The following MACF1 variants were observed in gnomAD, a reference collection of about 807,000 sequenced individuals.
MACF1 encodes the protein microtubule actin crosslinking factor 1.
Under a neutral mutation model 854.8 loss-of-function variants are expected in MACF1, and 193 were observed. That is an observed-to-expected ratio of 0.23 (90% CI 0.20 to 0.25). The LOEUF (loss-of-function observed/expected upper bound fraction) is 0.25. Among genes scored for constraint, MACF1 ranks in the 10% least tolerant of loss-of-function variants. The probability of loss-of-function intolerance (pLI) is 1.00; values close to 1 mark genes in which losing one functional copy is unlikely to be tolerated. For synonymous variants in MACF1, 3,185 were observed against 3,226.7 expected (o/e 0.99, Z 0.44); for missense variants, 7,722 against 8,929.1 (o/e 0.86, Z 5.45).
intron 57 of MACF1, among the ~76,000 whole-genome samples, chr1:39,386,710 G>A (rs1398053171): frequency 3.3e-5 from 5 of 151,948 alleles, no homozygotes; most frequent in African/African-American, 9.7e-5. Flanking sequence ...GATTACAGGC[G>A]TGAGCCACCG....
intron 29 of MACF1, 107 bp downstream of exon 29, chr1:39,317,514 G>C: frequency 8.0e-7 from 1 of 1,245,732 alleles, no homozygotes; most frequent in Non-Finnish European, 1.1e-6. Context: ...AAATGGATAG[G>C]GAGGGGTGGA....
intron 2 of MACF1, among the ~76,000 whole-genome samples, chr1:39,193,447 C>G (rs1214443292): frequency 6.6e-6 from 1 of 152,204 alleles, no homozygotes. Context: ...ACATTACTTT[C>G]ACTTACCTTC....
At chr1:39,481,284 T>C (rs1557677313) in intron 99 of MACF1, among the ~76,000 whole-genome samples, 1 of 152,232 alleles carries the variant, frequency 6.6e-6, no homozygotes, top group Non-Finnish European at 1.5e-5. Context: ...TTGCTGAGAA[T>C]GGTAAATGAT....
intron 2 of MACF1, among the ~76,000 whole-genome samples, chr1:39,094,723 A>G (rs1641894964): frequency 6.6e-6 from 1 of 151,966 alleles, no homozygotes; most frequent in Non-Finnish European, 1.5e-5. Flanking sequence ...TGTCTCAAAA[A>G]AAAAAAAGAA....
chr1:39,257,291 G>C (rs1341200981), intron 5 of MACF1, among the ~76,000 whole-genome samples: 2 of 138,588 alleles, frequency 1.4e-5, no homozygotes, highest in East Asian at 4.4e-4. Context: ...ATTATGCCGA[G>C]TGAAATAAAA....
At chr1:39,370,724 A>G (rs1009609695) in intron 51 of MACF1, among the ~76,000 whole-genome samples, 1 of 152,198 alleles carries the variant, frequency 6.6e-6, no homozygotes, top group Admixed American at 6.5e-5. Context: ...AAAGCGTTTG[A>G]TTGCTTTCAC....
At chr1:39,308,736 A>C (rs1571312105) in intron 23 of MACF1, among the ~76,000 whole-genome samples, 1 of 150,906 alleles carries the variant, frequency 6.6e-6, no homozygotes. Context: ...GCTCACTGCA[A>C]CCTCCACCTC....
Position 39,336,213 on chromosome 1 carries a change from G to T in MACF1, c.9625G>T (p.Asp3209Tyr). ...VRYLEFSDRKDLHHQGSKSDD... is the reference protein window; with the variant it reads ...VRYLEFSDRKYLHHQGSKSDD... ...GTATCTAGAATTCTCAGACAGAAAA[G>T]ACCTTCATCATCAGGGCAGCAAAAG... Residue 3209 changes from aspartate to tyrosine, a missense_variant, in exon 37 of 101, where the codon GAC (aspartate) becomes TAC (tyrosine). By Grantham distance (160) the Asp-to-Tyr change is radical (BLOSUM62 -3). This residue lies in a region of MACF1 where 854 missense variants were observed against 852.6 expected (regional missense o/e 1.00). Transcript: ENST00000564288. 8 of 1,614,064 alleles carry T rather than the reference G, an allele frequency of 5.0e-6. No individual in the cohort carries two copies. The highest frequency in any genetic ancestry group is 6.8e-6 in the Non-Finnish European group (8 of 1,180,016).
chr1:39,169,197 C>A (rs1009514359), intron 2 of MACF1, among the ~76,000 whole-genome samples: 1 of 152,144 alleles, frequency 6.6e-6, no homozygotes, highest in East Asian at 1.9e-4. Flanking sequence ...TTACAGCAAC[C>A]GCCTCATATT....
At chr1:39,394,994 G>A (rs946271196) in intron 58 of MACF1, among the ~76,000 whole-genome samples, 2 of 150,882 alleles carry the variant, frequency 1.3e-5, no homozygotes, top group South Asian at 2.1e-4. Flanking sequence ...CTCCAAATAG[G>A]AACTAGGGTC....
Position 39,124,300 on chromosome 1 carries a change from C to A in MACF1, c.220+39862C>A, listed in dbSNP as rs531306728. Among the ~76,000 whole-genome samples the A allele has an allele frequency of 2.6e-5, 4 of 152,196 alleles. 1 individual carries two copies. In the South Asian group the frequency reaches 6.2e-4, roughly 24 times the overall value. On this transcript the variant is annotated intron_variant, in intron 2 of 93. Transcript: ENST00000361689. ...AGTTGGACAGACCTGGGATTGAAAC[C>A]TGGTTTGGCCACTTACTACCTGTGT...
At chr1:39,383,381 A>AC (rs1408140027) in intron 56 of MACF1, among the ~76,000 whole-genome samples, 1 of 152,060 alleles carries the variant, frequency 6.6e-6, no homozygotes, top group Non-Finnish European at 1.5e-5. Flanking sequence ...GGCTTCAAGA[A>AC]CCCCTTTTAT....
chr1:39,417,751 G>T (rs10788946), intron 58 of MACF1, among the ~76,000 whole-genome samples: 89,932 of 101,058 alleles, frequency 0.89, 39,464 homozygotes, highest in Middle Eastern at 0.94. Context: ...TTTTTTTTTG[G>T]ATTTTTAGTA....
At chr1:39,095,272 G>A (rs1014684773) in intron 2 of MACF1, among the ~76,000 whole-genome samples, 1 of 151,968 alleles carries the variant, frequency 6.6e-6, no homozygotes, top group African/African-American at 2.4e-5. Flanking sequence ...CAGAAATGTG[G>A]GGGAAGGCGG....
chr1:39,359,295 C>G, intron 47 of MACF1, 31 bp downstream of exon 47: 1 of 1,609,724 alleles, frequency 6.2e-7, no homozygotes, highest in East Asian at 2.2e-5. Context: ...AATAGTACTC[C>G]CTTAATTCCT....
chr1:39,397,695 C>T (rs1001935023), intron 58 of MACF1, among the ~76,000 whole-genome samples: 3 of 152,132 alleles, frequency 2.0e-5, no homozygotes, highest in African/African-American at 4.8e-5. Context: ...AGTGCTGACT[C>T]GCTCATGTAA....
intron 97 of MACF1, among the ~76,000 whole-genome samples, chr1:39,475,860 G>T (rs1465385135): frequency 1.3e-5 from 2 of 152,152 alleles, no homozygotes; most frequent in African/African-American, 4.8e-5. Context: ...TCATCACCAG[G>T]TCAAGTCTAA....
In MACF1 at chr1:39,283,646, C is replaced by T; in HGVS notation, c.915+131C>T. On this transcript the variant is annotated intron_variant, in intron 9 of 100. Transcript: ENST00000564288. The surrounding 1 kb of genome is among the most constrained non-coding windows in gnomAD (Gnocchi z 4.5). ...CTATATATCCAGTATCTTTATCATA[C>T]ATGGACATTATCCTTGGCCCTGGAA... is the stretch of plus-strand genomic sequence containing the variant. 1.5e-6 allele frequency: 1 copy of T among 672,070 alleles called. No individual in the cohort carries two copies. Among genetic ancestry groups the T allele is most frequent in the Non-Finnish European group, 2.6e-6 (1 of 383,784 alleles). The allele number at this position is 672,070 out of a possible 1,614,324, so 41.6% of individuals were successfully genotyped here. A position where few individuals can be genotyped will look rare whatever the true frequency, so the allele number is the denominator to read the frequency against.
At chr1:39,466,133 C>CT (rs1296717150) in intron 95 of MACF1, among the ~76,000 whole-genome samples, 1 of 152,220 alleles carries the variant, frequency 6.6e-6, no homozygotes, top group Non-Finnish European at 1.5e-5. Context: ...CATGCCTACT[C>CT]TCACACAGCT....
Sources: allele counts gnomAD v4.1 joint callset (sites outside exome capture counted in the v4.1 genomes callset), GRCh38; gene constraint gnomAD v4.1.1; regional missense constraint gnomAD v4.1.1; non-coding constraint Gnocchi (gnomAD v3.1); transcripts MANE v1.5; gene names NCBI Gene and HGNC (gene_info 2026-07-23, HGNC 2026-07-21).